MAP2K1: variants seen among roughly 807,000 people sequenced by gnomAD.
MAP2K1 encodes the protein dual specificity mitogen-activated protein kinase kinase 1.
Under a neutral mutation model 46.3 loss-of-function variants are expected in MAP2K1, and 16 were observed. The ratio of observed to expected loss-of-function variants is 0.35; its 90% CI spans 0.23 to 0.52. The LOEUF is 0.52. Among genes scored for constraint, MAP2K1 ranks in the 20% least tolerant of loss-of-function variants. MAP2K1 has a pLI of 0.94. For missense variants in MAP2K1, 263 were observed against 497.1 expected (o/e 0.53, Z 4.48); for synonymous variants, 183 against 185.6 (o/e 0.99, Z 0.11).
chr15:66,446,869 T>C (rs2140607127), intron 5 of MAP2K1: 1 of 199,482 alleles, frequency 5.0e-6, no homozygotes, highest in Middle Eastern at 2.1e-3. Flanking sequence ...ACAATGGTGA[T>C]GGATACATGG....
intron 6 of MAP2K1, among the ~76,000 whole-genome samples, chr15:66,483,029 T>G (rs1290526092): frequency 1.3e-5 from 2 of 152,222 alleles, no homozygotes; most frequent in Admixed American, 1.3e-4. Flanking sequence ...TAAAGATTAT[T>G]GTTCCCATTT....
At chr15:66,419,349 G>A (rs111980262) in intron 1 of MAP2K1, among the ~76,000 whole-genome samples, 15 of 151,710 alleles carry the variant, frequency 9.9e-5, no homozygotes, top group African/African-American at 2.4e-4. Flanking sequence ...GCAAAACCCC[G>A]TCTCTACTAA....
At chr15:66,432,650 A>G (rs940254046) in intron 1 of MAP2K1, among the ~76,000 whole-genome samples, 1 of 152,162 alleles carries the variant, frequency 6.6e-6, no homozygotes, top group Non-Finnish European at 1.5e-5. Context: ...TCACACTGGG[A>G]TCTTACCCAT....
chr15:66,400,815 G>A (rs889033157), intron 1 of MAP2K1, among the ~76,000 whole-genome samples: 2 of 152,186 alleles, frequency 1.3e-5, no homozygotes, highest in Admixed American at 1.3e-4. Context: ...ATCCTGCTCT[G>A]ATGTCAGGAA....
At chr15:66,439,934 T>G (rs1371162449) in intron 3 of MAP2K1, among the ~76,000 whole-genome samples, 1 of 73,610 alleles carries the variant, frequency 1.4e-5, no homozygotes, top group African/African-American at 5.1e-5. Context: ...AAACTCCATC[T>G]CAAAAAAAAA....
At chr15:66,400,656 C>T (rs190261608) in intron 1 of MAP2K1, among the ~76,000 whole-genome samples, 65 of 152,296 alleles carry the variant, frequency 4.3e-4, no homozygotes, top group Non-Finnish European at 8.4e-4. Flanking sequence ...TTTAGAGGCT[C>T]AGTTACATGT....
In MAP2K1 at chr15:66,422,507, C is replaced by T. The variant is rs118117574; in HGVS notation, c.81-12520C>T. The stretch of plus-strand genomic sequence containing the variant: ...AGTGGAATATGATATTCCTTTTTTA[C>T]GGATTGGGAAACTGAAACTGAGGTA... On this transcript the variant is annotated intron_variant, in intron 1 of 10. Transcript: ENST00000307102. Among the ~76,000 whole-genome samples the T allele has an allele frequency of 1.9e-3, 282 of 152,036 alleles. 7 individuals carry two copies. In the East Asian group the frequency reaches 0.043, roughly 23 times the overall value.
chr15:66,446,013 C>A (rs1595866566), intron 5 of MAP2K1, among the ~76,000 whole-genome samples: 1 of 152,058 alleles, frequency 6.6e-6, no homozygotes, highest in South Asian at 2.1e-4. Context: ...CACCTGAGGT[C>A]AGGAGTTTGA....
At chr15:66,455,971 T>G (rs1463668120) in intron 5 of MAP2K1, among the ~76,000 whole-genome samples, 1 of 152,222 alleles carries the variant, frequency 6.6e-6, no homozygotes, top group African/African-American at 2.4e-5. Context: ...GGTATAGATC[T>G]GTCACCCCTT....
At chr15:66,467,431 A>G (rs1345344689) in intron 5 of MAP2K1, among the ~76,000 whole-genome samples, 1 of 152,132 alleles carries the variant, frequency 6.6e-6, no homozygotes, top group African/African-American at 2.4e-5. Context: ...CTTTTCCCCA[A>G]ACCCCCTTCC....
At chr15:66,428,861 C>T (rs1166633319) in intron 1 of MAP2K1, among the ~76,000 whole-genome samples, 2 of 147,078 alleles carry the variant, frequency 1.4e-5, no homozygotes, top group Non-Finnish European at 1.5e-5. Flanking sequence ...CTTACTGCGA[C>T]CTCCGCCTCC....
Position 66,387,546 on chromosome 15 carries a change from C to G in MAP2K1, c.80+119C>G. 3.0e-6 allele frequency: 3 copies of G among 1,001,246 alleles called. No individual in the cohort carries two copies. In the South Asian group the frequency reaches 4.2e-5, roughly 14 times the overall value. The allele number at this position is 1,001,246 out of a possible 1,614,324, so 62.0% of individuals were successfully genotyped here. On this transcript the variant is annotated intron_variant, in intron 1 of 10. Coordinates refer to ENST00000307102, the MANE Select transcript of MAP2K1 (RefSeq NM_002755.4). ...ACGTACGTCTGGGGCTGGCAGGGGG[C>G]GAGAAACTCCCGGCCGCCGAGGTAT...
intron 5 of MAP2K1, among the ~76,000 whole-genome samples, chr15:66,469,723 C>T (rs12440381): frequency 0.013 from 1,810 of 134,394 alleles, 52 homozygotes; most frequent in Middle Eastern, 0.022. Context: ...CACACACACA[C>T]ATATCGGATG....
chr15:66,455,499 A>T (rs1892143771), intron 5 of MAP2K1, among the ~76,000 whole-genome samples: 1 of 152,238 alleles, frequency 6.6e-6, no homozygotes, highest in South Asian at 2.1e-4. Flanking sequence ...AATGAGAAGA[A>T]GTGCCTCGTG....
Position 66,387,253 on chromosome 15 carries a change from T to G in MAP2K1, c.-95T>G. 1 of 1,114,498 alleles carries G rather than the reference T, an allele frequency of 9.0e-7. No individual in the cohort carries two copies. The highest frequency in any genetic ancestry group is 1.4e-5 in the South Asian group (1 of 72,002). 69.0% of individuals were successfully genotyped at this position (1,114,498 alleles called of 1,614,324 possible). The stretch of plus-strand genomic sequence containing the variant: ...CAGCCCCGGGGCCCGCGGCCCGGAC[T>G]TGGTCCTGCGCAGCGGGCGCGGGGC... On this transcript the variant is annotated 5_prime_UTR_variant, in exon 1 of 11. Transcript: ENST00000307102.
chr15:66,459,037 G>A (rs976073162), intron 5 of MAP2K1, among the ~76,000 whole-genome samples: 6 of 152,252 alleles, frequency 3.9e-5, no homozygotes, highest in East Asian at 3.9e-4. Context: ...TTTTTGGGCC[G>A]GGCACAGTGG....
chr15:66,431,240 C>T (rs2093474354), intron 1 of MAP2K1, among the ~76,000 whole-genome samples: 1 of 152,136 alleles, frequency 6.6e-6, no homozygotes, highest in South Asian at 2.1e-4. Flanking sequence ...GTGATATAGT[C>T]GTTGGGTGAG....
intron 7 of MAP2K1, 66 bp from the exon 8 acceptor site, chr15:66,487,162 C>A: frequency 7.3e-7 from 1 of 1,372,332 alleles, no homozygotes; most frequent in South Asian, 1.2e-5. Flanking sequence ...CATGCCCAAC[C>A]CCTTGCCTCA....
At chr15:66,425,680 T>C (rs2093456285) in intron 1 of MAP2K1, among the ~76,000 whole-genome samples, 1 of 152,178 alleles carries the variant, frequency 6.6e-6, no homozygotes, top group Non-Finnish European at 1.5e-5. Flanking sequence ...ACTACAAGGG[T>C]ATCTACATAG....
Sources: gnomAD v4.1 joint callset for allele counts (sites outside exome capture counted in the v4.1 genomes callset) on GRCh38, gnomAD v4.1.1 for gene constraint, MANE v1.5 for transcripts, NCBI Gene and HGNC (gene_info 2026-07-23, HGNC 2026-07-21) for gene names.